The following CACNA2D3 variants were observed in gnomAD, a reference collection of about 807,000 sequenced individuals.
CACNA2D3 encodes voltage-dependent calcium channel subunit alpha-2/delta-3.
CACNA2D3 carries 60 observed loss-of-function variants against 160.6 expected under a neutral mutation model. The observed-to-expected ratio is 0.37, with a 90% CI of 0.30 to 0.46. The LOEUF (loss-of-function observed/expected upper bound fraction) is 0.46, where lower values mean the gene tolerates loss of function less well. CACNA2D3 is among the 20% of genes least tolerant of loss of function. CACNA2D3 has a pLI of 1.00. For synonymous variants in CACNA2D3, 558 were observed against 492.9 expected, an observed-to-expected ratio of 1.13 and a Z score of -1.75; for missense variants, 1,205 against 1,365.0, an observed-to-expected ratio of 0.88 and a Z score of 1.85.
intron 5 of CACNA2D3, among the ~76,000 whole-genome samples, chr3:54,517,075 C>T (rs1390061465): frequency 3.9e-5 from 6 of 152,282 alleles, no homozygotes; most frequent in Non-Finnish European, 1.5e-5. Flanking sequence ...AAGGATCACA[C>T]GGATTTGGGT....
At chr3:54,530,537 GTA>G (rs1559505576) in intron 5 of CACNA2D3, among the ~76,000 whole-genome samples, 1 of 152,132 alleles carries the variant, frequency 6.6e-6, no homozygotes, top group African/African-American at 2.4e-5. Flanking sequence ...TTGGCATCAC[GTA>G]TCTTCAAAGT....
chr3:54,804,309 C>A (rs1306663694), intron 13 of CACNA2D3, among the ~76,000 whole-genome samples: 1 of 151,692 alleles, frequency 6.6e-6, no homozygotes, highest in Non-Finnish European at 1.5e-5. Context: ...TTCAGGAAAC[C>A]CATCTCACAT....
intron 21 of CACNA2D3, among the ~76,000 whole-genome samples, chr3:54,884,513 C>T (rs1218127599): frequency 1.3e-5 from 2 of 152,224 alleles, no homozygotes; most frequent in Non-Finnish European, 2.9e-5. Flanking sequence ...CTTCCCAAAA[C>T]AGGCTATAAG....
chr3:54,995,545 A>G (rs1326598844), intron 31 of CACNA2D3, among the ~76,000 whole-genome samples: 1 of 152,224 alleles, frequency 6.6e-6, no homozygotes, highest in Non-Finnish European at 1.5e-5. Context: ...CCCAGCCATC[A>G]TATCTGCAAT....
chr3:54,354,968 ATATT>A (rs1698624326), intron 3 of CACNA2D3, among the ~76,000 whole-genome samples: 1 of 152,220 alleles, frequency 6.6e-6, no homozygotes, highest in Non-Finnish European at 1.5e-5. Flanking sequence ...CTTCAACAAA[ATATT>A]TATTTTGGAT....
At chr3:54,352,333 A>G (rs779106320) in intron 3 of CACNA2D3, among the ~76,000 whole-genome samples, 23 of 152,198 alleles carry the variant, frequency 1.5e-4, no homozygotes, top group Non-Finnish European at 3.1e-4. Context: ...TGGTACAGTT[A>G]AAGACAGTGG....
At chr3:54,968,639 C>A in intron 28 of CACNA2D3, 128 bp downstream of exon 28, 1 of 673,288 alleles carries the variant, frequency 1.5e-6, no homozygotes, top group Non-Finnish European at 2.7e-6. Context: ...GCCGGCTGCT[C>A]AGATTACCTT....
chr3:54,313,829 G>T (rs576640225), intron 2 of CACNA2D3, among the ~76,000 whole-genome samples: 13 of 145,352 alleles, frequency 8.9e-5, no homozygotes, highest in Admixed American at 1.5e-4. Flanking sequence ...TTTCCCTGAT[G>T]CTGCATCTTC....
At chr3:54,945,101 A>T (rs921566610) in intron 27 of CACNA2D3, among the ~76,000 whole-genome samples, 1 of 152,210 alleles carries the variant, frequency 6.6e-6, no homozygotes, top group Non-Finnish European at 1.5e-5. Context: ...AGCATCTGAG[A>T]GCTGGGCAGG....
At chr3:54,295,951 G>A (rs753995176) in intron 2 of CACNA2D3, among the ~76,000 whole-genome samples, 1 of 152,228 alleles carries the variant, frequency 6.6e-6, no homozygotes, top group Non-Finnish European at 1.5e-5. Context: ...CCCTTCCCAA[G>A]TTCAAGGAAT....
chr3:54,207,251 G>T (rs1694714298), intron 2 of CACNA2D3, among the ~76,000 whole-genome samples: 1 of 144,944 alleles, frequency 6.9e-6, no homozygotes, highest in Non-Finnish European at 1.5e-5. Context: ...TACATGTACA[G>T]TCTCACTAAT....
chr3:54,736,124 TATATATGTATATATATACAC>T lies in CACNA2D3; in HGVS notation c.1168-16473_1168-16454del, dbSNP rs1559563825. Among the ~76,000 whole-genome samples the T allele has an allele frequency of 5.3e-4, 47 of 88,072 alleles. 6 individuals are homozygous for T. Among genetic ancestry groups the T allele is most frequent in the Non-Finnish European group, 7.2e-4 (32 of 44,470 alleles). 57.8% of individuals were successfully genotyped at this position (88,072 alleles called of 152,430 possible). ...ACATATATATGTATATATATACATA[TATATATGTATATATATACAC>T]ACACACACACACACACACACAGACA... On this transcript the variant is annotated intron_variant, in intron 11 of 37. Transcript: ENST00000474759.
intron 10 of CACNA2D3, among the ~76,000 whole-genome samples, chr3:54,629,067 G>C (rs1182814966): frequency 2.0e-5 from 3 of 151,960 alleles, no homozygotes; most frequent in Non-Finnish European, 4.4e-5. Flanking sequence ...TCAAACTGTT[G>C]GGGAGCTTGA....
chr3:54,403,598 A>T (rs886658016), intron 4 of CACNA2D3, among the ~76,000 whole-genome samples: 7 of 152,334 alleles, frequency 4.6e-5, no homozygotes, highest in African/African-American at 1.7e-4. Context: ...AACTAGAAAA[A>T]GAAGAACAAG....
chr3:55,008,358 G>T (rs1052920890), intron 33 of CACNA2D3, among the ~76,000 whole-genome samples: 1 of 152,146 alleles, frequency 6.6e-6, no homozygotes, highest in African/African-American at 2.4e-5. Flanking sequence ...ACTTGAAATG[G>T]CACAAAGATG....
At chr3:54,444,083 A>G (rs1341524461) in intron 4 of CACNA2D3, among the ~76,000 whole-genome samples, 1 of 152,150 alleles carries the variant, frequency 6.6e-6, no homozygotes, top group East Asian at 1.9e-4. Flanking sequence ...GGCAATGGGT[A>G]TGACACCGCA....
At chr3:54,408,914 C>A (rs1699620203) in intron 4 of CACNA2D3, among the ~76,000 whole-genome samples, 1 of 152,104 alleles carries the variant, frequency 6.6e-6, no homozygotes, top group African/African-American at 2.4e-5. Flanking sequence ...CCTAACTCTC[C>A]AGGAAATTAG....
At chr3:54,498,593 C>T (rs942971312) in intron 4 of CACNA2D3, among the ~76,000 whole-genome samples, 1 of 151,720 alleles carries the variant, frequency 6.6e-6, no homozygotes, top group Non-Finnish European at 1.5e-5. Context: ...ATCTCTATTA[C>T]TTTATTCCTT....
chr3:54,304,102 A>G (rs1703542787), intron 2 of CACNA2D3, among the ~76,000 whole-genome samples: 1 of 151,920 alleles, frequency 6.6e-6, no homozygotes, highest in South Asian at 2.1e-4. Flanking sequence ...ACTTTGCAGG[A>G]TGTTTAGCAG....
Sources: allele counts gnomAD v4.1 joint callset (sites outside exome capture counted in the v4.1 genomes callset), GRCh38; gene constraint gnomAD v4.1.1; transcripts MANE v1.5; gene names NCBI Gene and HGNC (gene_info 2026-07-23, HGNC 2026-07-21).